ROBO2: variants seen among roughly 807,000 people sequenced by gnomAD.
The protein encoded by ROBO2 is roundabout homolog 2.
Under a neutral mutation model 160.8 loss-of-function variants are expected in ROBO2, and 53 were observed. That is an observed-to-expected ratio of 0.33 (90% confidence interval 0.26 to 0.41). ROBO2 has a LOEUF of 0.41. ROBO2 is among the 10% of genes least tolerant of loss of function. The probability of loss-of-function intolerance (pLI) is 1.00; values close to 1 mark genes in which losing one functional copy is unlikely to be tolerated. For missense variants in ROBO2, 1,577 were observed against 1,722.4 expected, an observed-to-expected ratio of 0.92 and a Z score of 1.49; for synonymous variants, 664 against 611.7, an observed-to-expected ratio of 1.09 and a Z score of -1.26.
At chr3:77,206,773 G>T (rs1242324159) in intron 2 of ROBO2, among the ~76,000 whole-genome samples, 1 of 152,014 alleles carries the variant, frequency 6.6e-6, no homozygotes, top group Non-Finnish European at 1.5e-5. Flanking sequence ...GCATTTTTAA[G>T]TTTTTGATGG....
At chr3:76,000,362 G>A (rs1559819441) in intron 2 of ROBO2, among the ~76,000 whole-genome samples, 1 of 152,100 alleles carries the variant, frequency 6.6e-6, no homozygotes, top group Non-Finnish European at 1.5e-5. Context: ...TTCTTTTAGA[G>A]TTCTTCATAG....
exon 26 of ROBO2, chr3:77,647,240 T>G (rs897133052): frequency 6.6e-6 from 1 of 152,210 alleles, no homozygotes; most frequent in Non-Finnish European, 1.5e-5. Flanking sequence ...ATATACAACT[T>G]GTTTTTTATT....
At position 76,331,073 on chromosome 3, in the gene ROBO2, C is replaced by T. The variant is rs1405991887; in HGVS notation, c.109+393471C>T. 3.9e-5 allele frequency among the ~76,000 whole-genome samples: 6 copies of T among 152,112 alleles called. No homozygotes were observed. The East Asian group carries it at 9.6e-4, about 24-fold the overall frequency. On this transcript the variant is annotated intron_variant, in intron 2 of 26. Transcript: ENST00000487694. ...TCATTTTGAAGCTTTTCTACCACTT[C>T]GAATGGAATAACTAAGATATAGATT...
At position 77,597,296 on chromosome 3, in the gene ROBO2, A is replaced by AAAATAAATAAATAAAT. The variant is rs754183877; in HGVS notation, c.2854+562_2854+577dup. ...TTCCACAACTAGTAACTGTTATCCA[A>AAAATAAATAAATAAAT]AAATAAATAAATAAATAAATAAATA... On this transcript the variant is annotated intron_variant, in intron 19 of 25. Coordinates refer to ENST00000461745, the Ensembl canonical transcript of ROBO2. Among the ~76,000 whole-genome samples, 170 of 121,314 alleles carry AAAATAAATAAATAAAT rather than the reference A, an allele frequency of 1.4e-3. 1 individual carries two copies. The highest frequency in any genetic ancestry group is 2.5e-3 in the Non-Finnish European group (141 of 55,886). The allele number at this position is 121,314 out of a possible 152,430, so 79.6% of individuals were successfully genotyped here.
chr3:77,550,227 T>C (rs1316183673), intron 7 of ROBO2, among the ~76,000 whole-genome samples: 1 of 152,082 alleles, frequency 6.6e-6, no homozygotes, highest in African/African-American at 2.4e-5. Context: ...TTGCTTACTC[T>C]TGCTTAAATT....
At chr3:76,525,548 C>T (rs960925366) in intron 2 of ROBO2, among the ~76,000 whole-genome samples, 1 of 151,874 alleles carries the variant, frequency 6.6e-6, no homozygotes, top group African/African-American at 2.4e-5. Flanking sequence ...GAAAAAAATT[C>T]TTTTATTTCA....
chr3:77,292,873 A>T (rs1339587433), intron 2 of ROBO2, among the ~76,000 whole-genome samples: 1 of 151,400 alleles, frequency 6.6e-6, no homozygotes. Context: ...TAAAGACATA[A>T]AGTAAAATTG....
intron 2 of ROBO2, among the ~76,000 whole-genome samples, chr3:77,388,448 GTTGGGATC>G (rs1560697069): frequency 6.6e-6 from 1 of 152,068 alleles, no homozygotes; most frequent in Admixed American, 6.6e-5. Flanking sequence ...GAAAAACTAT[GTTGGGATC>G]TTCCCTTTTG....
intron 2 of ROBO2, among the ~76,000 whole-genome samples, chr3:76,780,542 C>A (rs2062574080): frequency 6.6e-6 from 1 of 150,654 alleles, no homozygotes; most frequent in Non-Finnish European, 1.5e-5. Flanking sequence ...TCCCTGTTTT[C>A]CTCTAAGAAT....
At chr3:77,002,051 T>A (rs148172318) in intron 2 of ROBO2, among the ~76,000 whole-genome samples, 1 of 152,258 alleles carries the variant, frequency 6.6e-6, no homozygotes, top group Admixed American at 6.5e-5. Flanking sequence ...TAGAAATGTG[T>A]GTGAATCTTG....
At chr3:77,359,840 A>G (rs1032606474) in intron 2 of ROBO2, among the ~76,000 whole-genome samples, 2 of 151,914 alleles carry the variant, frequency 1.3e-5, no homozygotes, top group Non-Finnish European at 2.9e-5. Context: ...CACCACACTC[A>G]CCAAATATTT....
intron 2 of ROBO2, among the ~76,000 whole-genome samples, chr3:77,224,726 C>T (rs376180143): frequency 1.3e-5 from 2 of 151,804 alleles, no homozygotes; most frequent in East Asian, 3.9e-4. Flanking sequence ...CTTGAGGTGT[C>T]TTTCTCCTAA....
At chr3:76,897,449 TGAGATA>T (rs1332217400) in intron 2 of ROBO2, among the ~76,000 whole-genome samples, 2 of 151,854 alleles carry the variant, frequency 1.3e-5, no homozygotes, top group Admixed American at 6.6e-5. Context: ...AAACAGAGGG[TGAGATA>T]TTGACATCAA....
chr3:76,305,692 G>C (rs1459849639), intron 2 of ROBO2, among the ~76,000 whole-genome samples: 1 of 151,848 alleles, frequency 6.6e-6, no homozygotes, highest in Non-Finnish European at 1.5e-5. Flanking sequence ...CCAGGAGGCG[G>C]AGGTTGCAAT....
At chr3:76,938,961 A>C (rs1029425281) in intron 2 of ROBO2, among the ~76,000 whole-genome samples, 2 of 140,036 alleles carry the variant, frequency 1.4e-5, no homozygotes, top group African/African-American at 2.6e-5. Flanking sequence ...ACAAGAGCAA[A>C]ACTCAGTCTC....
intron 2 of ROBO2, among the ~76,000 whole-genome samples, chr3:77,340,256 C>T (rs184897930): frequency 2.0e-5 from 3 of 152,176 alleles, no homozygotes; most frequent in East Asian, 3.9e-4. Flanking sequence ...TTTGCAAACA[C>T]TGGTGGTTTA....
chr3:75,993,782 T>C (rs1401606622), intron 2 of ROBO2, among the ~76,000 whole-genome samples: 2 of 152,176 alleles, frequency 1.3e-5, no homozygotes, highest in Non-Finnish European at 2.9e-5. Context: ...AAGAAATGAC[T>C]GGTGGTCATG....
chr3:77,180,416 C>CTCTCTCTATA lies in ROBO2; in HGVS notation c.388+82077_388+82078insCTCTCTATAT, dbSNP rs1433740534. ...TCTCTCTCTCTCTCTCTCTCTCTCT[C>CTCTCTCTATA]TATATATATATATATGTATTTTTTT... is the stretch of plus-strand genomic sequence containing the variant. On this transcript the variant is annotated intron_variant, in intron 2 of 25. Coordinates refer to ENST00000461745, the Ensembl canonical transcript of ROBO2. 1.1e-3 allele frequency among the ~76,000 whole-genome samples: 100 copies of CTCTCTCTATA among 90,716 alleles called. 1 individual carries two copies. Among genetic ancestry groups the CTCTCTCTATA allele is most frequent in the Middle Eastern group, 0.02 (2 of 98 alleles). The allele number at this position is 90,716 out of a possible 152,430, so 59.5% of individuals were successfully genotyped here. A position where few individuals can be genotyped will look rare whatever the true frequency, so the allele number is the denominator to read the frequency against.
intron 2 of ROBO2, among the ~76,000 whole-genome samples, chr3:76,555,357 A>AG (rs1560140393): frequency 7.2e-4 from 20 of 27,716 alleles, no homozygotes; most frequent in African/African-American, 1.7e-3. Context: ...GAGTAGGAAG[A>AG]GAGAAGAAGA....
Sources: gnomAD v4.1 joint callset for allele counts (sites outside exome capture counted in the v4.1 genomes callset) on GRCh38, gnomAD v4.1.1 for gene constraint, MANE v1.5 for transcripts, NCBI Gene and HGNC (gene_info 2026-07-23, HGNC 2026-07-21) for gene names.